VWA8: variants seen among roughly 807,000 people sequenced by gnomAD.
VWA8 encodes the protein von Willebrand factor A domain-containing protein 8.
A neutral mutation model predicts 241.5 loss-of-function variants in VWA8; 221 were observed. The observed-to-expected ratio is 0.91, with a 90% CI of 0.82 to 1.02. The LOEUF is 1.02. VWA8 is among the 50% of genes least tolerant of loss of function. The pLI, the probability that VWA8 is intolerant of heterozygous loss-of-function variation, is 0.00. For synonymous variants in VWA8, 852 were observed against 827.1 expected (o/e 1.03, Z -0.52); for missense variants, 2,322 against 2,328.7 (o/e 1.00, Z 0.06).
chr13:41,625,675 G>A lies in VWA8; in HGVS notation c.4612-10591C>T, dbSNP rs12873485. ...CAACCATTGTGGAAGACAGTGTGGCGATTCCTCAGGGATCTAGAACTAGAA... is the reference window on the plus strand; with the variant it reads ...CAACCATTGTGGAAGACAGTGTGGCAATTCCTCAGGGATCTAGAACTAGAA... On this transcript the variant is annotated intron_variant, in intron 37 of 44. Coordinates refer to ENST00000379310, the MANE Select transcript of VWA8 (RefSeq NM_015058.2). 6.6e-3 allele frequency among the ~76,000 whole-genome samples: 999 copies of A among 151,912 alleles called. 5 individuals are homozygous for A. Among genetic ancestry groups the A allele is most frequent in the South Asian group, 0.016 (75 of 4,804 alleles).
At chr13:41,773,460 TC>T (rs1415379314) in intron 20 of VWA8, among the ~76,000 whole-genome samples, 1 of 152,146 alleles carries the variant, frequency 6.6e-6, no homozygotes, top group African/African-American at 2.4e-5. Flanking sequence ...TATATAACTC[TC>T]CTAGATGATC....
Position 41,719,610 on chromosome 13 carries a change from T to A in VWA8, c.3097A>T (p.Ser1033Cys). The change falls in exon 26 of 45, where the codon AGT becomes TGT. Residue 1033 changes from serine to cysteine, a missense_variant. Coordinates refer to ENST00000379310, the MANE Select transcript of VWA8 (RefSeq NM_015058.2). Reference sequence around the variant, plus strand: ...CCTTACTCCTTTGCCAGCTGCACACTGGTAGGCTTTGCTCCGATAGGTATC... The same window carrying A: ...CCTTACTCCTTTGCCAGCTGCACACAGGTAGGCTTTGCTCCGATAGGTATC... The part of the protein sequence containing the change: ...YGIPIGAKPT[S>C]VQLAKELTLP... 1 of 1,613,058 alleles carries A rather than the reference T, an allele frequency of 6.2e-7. No individual in the cohort carries two copies. Among genetic ancestry groups the A allele is most frequent in the Non-Finnish European group, 8.5e-7 (1 of 1,179,296 alleles).
chr13:41,629,482 G>T (rs1308633657), intron 37 of VWA8, among the ~76,000 whole-genome samples: 1 of 152,120 alleles, frequency 6.6e-6, no homozygotes, highest in African/African-American at 2.4e-5. Context: ...ATTATTTCCT[G>T]ATTTTCTAGT....
intron 17 of VWA8, among the ~76,000 whole-genome samples, chr13:41,808,859 C>A (rs995998356): frequency 6.8e-6 from 1 of 146,006 alleles, no homozygotes; most frequent in Non-Finnish European, 1.5e-5. Context: ...GAAAAAAAAA[C>A]CTAAAGACTC....
chr13:41,791,386 G>C (rs1869455659), intron 17 of VWA8, among the ~76,000 whole-genome samples: 2 of 151,732 alleles, frequency 1.3e-5, no homozygotes, highest in South Asian at 4.1e-4. Context: ...ATATGTATGA[G>C]AATGAAAAGT....
At chr13:41,750,075 C>A (rs1051794539) in intron 21 of VWA8, among the ~76,000 whole-genome samples, 2 of 151,990 alleles carry the variant, frequency 1.3e-5, no homozygotes, top group African/African-American at 4.8e-5. Context: ...GATACTGATT[C>A]CTCTTACGGA....
chr13:41,925,026 A>G (rs1044628613), intron 2 of VWA8, among the ~76,000 whole-genome samples: 1 of 152,222 alleles, frequency 6.6e-6, no homozygotes, highest in Admixed American at 6.5e-5. Flanking sequence ...GAAAAGCATC[A>G]AGTCACATAT....
intron 2 of VWA8, among the ~76,000 whole-genome samples, chr13:41,917,677 G>A (rs1876324233): frequency 6.6e-6 from 1 of 152,092 alleles, no homozygotes; most frequent in Non-Finnish European, 1.5e-5. Context: ...TGGATTTGGT[G>A]GATATGAATA....
chr13:41,878,495 T>C (rs1177147736), intron 9 of VWA8, among the ~76,000 whole-genome samples: 1 of 152,052 alleles, frequency 6.6e-6, no homozygotes, highest in Admixed American at 6.6e-5. Context: ...TACATCATTG[T>C]GTAATGATCT....
chr13:41,574,594 A>G (rs2044339313), intron 43 of VWA8, among the ~76,000 whole-genome samples: 1 of 152,192 alleles, frequency 6.6e-6, no homozygotes, highest in South Asian at 2.1e-4. Flanking sequence ...CGTGGAACCA[A>G]AAAAGAGCCC....
intron 12 of VWA8, among the ~76,000 whole-genome samples, chr13:41,851,684 CT>C (rs1872538915): frequency 6.6e-6 from 1 of 151,982 alleles, no homozygotes; most frequent in Non-Finnish European, 1.5e-5. Context: ...TCATGTGGAA[CT>C]ATAAGTTCAA....
intron 40 of VWA8, among the ~76,000 whole-genome samples, chr13:41,604,873 G>C (rs1887745): frequency 0.68 from 103,851 of 151,968 alleles, 35,651 homozygotes; most frequent in South Asian, 0.85. Flanking sequence ...TTTTCAGGAG[G>C]AGTAGCAGTA....
In VWA8 at chr13:41,837,066, T is replaced by C. The variant is rs561128432; in HGVS notation, c.1426-3535A>G. Among the ~76,000 whole-genome samples, 11 of 146,186 alleles carry C rather than the reference T, an allele frequency of 7.5e-5. No homozygotes were observed. The South Asian group carries it at 2.3e-3, about 31-fold the overall frequency. ...ATAGATAGATAGATAGATAGATAGA[T>C]AGATAGATAGATAGAGATTTTTAAA... On this transcript the variant is annotated intron_variant, in intron 12 of 44. Coordinates refer to ENST00000379310, the MANE Select transcript of VWA8 (RefSeq NM_015058.2).
chr13:41,708,431 T>C (rs34688436), intron 26 of VWA8, among the ~76,000 whole-genome samples: 2,279 of 152,292 alleles, frequency 0.015, 25 homozygotes, highest in African/African-American at 0.041. Context: ...CAAATGCCCC[T>C]TTACATACTT....
chr13:41,659,698 T>C (rs2044935525), intron 37 of VWA8, among the ~76,000 whole-genome samples: 1 of 152,180 alleles, frequency 6.6e-6, no homozygotes, highest in African/African-American at 2.4e-5. Context: ...TCAACATAAA[T>C]ACAGAAATAC....
At chr13:41,587,412 A>T in intron 42 of VWA8, 100 bp downstream of exon 42, 2 of 1,478,446 alleles carry the variant, frequency 1.4e-6, no homozygotes, top group Non-Finnish European at 1.9e-6. Flanking sequence ...TGAGCTGGTG[A>T]GAGGATGAAG....
intron 12 of VWA8, among the ~76,000 whole-genome samples, chr13:41,835,560 T>C (rs1871685764): frequency 6.6e-6 from 1 of 152,106 alleles, no homozygotes; most frequent in Admixed American, 6.6e-5. Flanking sequence ...CATTCCTCAT[T>C]TTTCCTGGGC....
intron 12 of VWA8, among the ~76,000 whole-genome samples, chr13:41,847,191 C>T (rs560920655): frequency 5.5e-4 from 84 of 151,912 alleles, no homozygotes; most frequent in Non-Finnish European, 9.6e-4. Context: ...ATCTTACACT[C>T]CAGTGGGAAT....
intron 41 of VWA8, 102 bp from the exon 42 acceptor site, chr13:41,587,772 TG>T: frequency 1.4e-6 from 2 of 1,415,246 alleles, no homozygotes; most frequent in Non-Finnish European, 1.9e-6. Flanking sequence ...AGCCCCGAGA[TG>T]GGCAGACCAG....
Sources: allele counts gnomAD v4.1 joint callset (sites outside exome capture counted in the v4.1 genomes callset), GRCh38; gene constraint gnomAD v4.1.1; transcripts MANE v1.5; gene names NCBI Gene and HGNC (gene_info 2026-07-23, HGNC 2026-07-21).